SRPX2: variants seen among roughly 807,000 people sequenced by gnomAD.
The protein encoded by SRPX2 is sushi repeat-containing protein SRPX2.
Under a neutral mutation model 45.3 loss-of-function variants are expected in SRPX2, and 26 were observed. That is an observed-to-expected ratio of 0.57 (90% CI 0.42 to 0.80). The LOEUF is 0.80. Ranked by LOEUF, SRPX2 falls within the 30% of genes least tolerant of loss-of-function variation. SRPX2 has a pLI of 0.00. For synonymous variants in SRPX2, 125 were observed against 143.7 expected, an observed-to-expected ratio of 0.87 and a Z score of 0.93; for missense variants, 355 against 399.8, an observed-to-expected ratio of 0.89 and a Z score of 0.95.
intron 3 of SRPX2, 136 bp downstream of exon 3, chrX:100,651,001 T>A: frequency 2.0e-6 from 1 of 505,829 alleles, no homozygotes; most frequent in Non-Finnish European, 3.4e-6. Flanking sequence ...CTGTGATTTC[T>A]CATCATGAAC....
rs139514583 is a variant in SRPX2, at chrX:100,665,334, G to A, written c.624G>A (p.Pro208=). 66 of 1,208,500 alleles carry A rather than the reference G, an allele frequency of 5.5e-5. No individual in the cohort carries two copies. The highest frequency in any genetic ancestry group is 4.0e-4 in the African/African-American group (23 of 57,253). The change falls in exon 6 of 11, where the codon CCG becomes CCA. Residue 208 remains proline (P), a synonymous_variant. Coordinates refer to ENST00000373004, the MANE Select transcript of SRPX2 (RefSeq NM_014467.3). ...KLTARVYWDP[P]LVKDSADGTI... is the part of the protein sequence containing the mutation. ...CTGCTCGAGTATACTGGGACCCACC[G>A]TTGGTGAAAGATTCTGCTGATGGTA... is the stretch of plus-strand genomic sequence containing the variant.
Position 100,667,410 on chromosome X carries a change from A to G in SRPX2, c.1095+3A>G. 1 of 1,211,781 alleles carries G rather than the reference A, an allele frequency of 8.3e-7. No homozygotes were observed. Among genetic ancestry groups the G allele is most frequent in the Non-Finnish European group, 1.1e-6 (1 of 895,437 alleles). On this transcript the variant is annotated splice_donor_region_variant and intron_variant, in intron 9 of 10. Coordinates refer to ENST00000373004, the MANE Select transcript of SRPX2 (RefSeq NM_014467.3). ...AAATGCAGATCTCTATGCTACAGGT[A>G]AGGCCCACTCCCCTAAAGAGGGCTT... is the stretch of plus-strand genomic sequence containing the variant.
Position 100,648,352 on chromosome X carries a change from G to A in SRPX2, c.82+1948G>A, listed in dbSNP as rs535020141. Among the ~76,000 whole-genome samples the A allele has an allele frequency of 4.7e-4, 52 of 111,582 alleles. No individual in the cohort carries two copies. In the South Asian group the frequency reaches 0.018, roughly 39 times the overall value. Reference sequence around the variant, plus strand: ...TTTTGTGAAGGGCAGTGCTTAGAGGGCCTGACTGTACTATGGAGGTTGGAG... The same window carrying A: ...TTTTGTGAAGGGCAGTGCTTAGAGGACCTGACTGTACTATGGAGGTTGGAG... On this transcript the variant is annotated intron_variant, in intron 2 of 10. Coordinates refer to ENST00000373004, the MANE Select transcript of SRPX2 (RefSeq NM_014467.3).
In SRPX2 at chrX:100,652,772, G is replaced by T. The variant is rs571722652; in HGVS notation, c.163+1907G>T. ...TCAACTGAGAAATTCTCAGAGCTTT[G>T]AGCTCCTCTGAGCATCTTTGTAGCT... is the stretch of plus-strand genomic sequence containing the variant. On this transcript the variant is annotated intron_variant, in intron 3 of 10. Transcript: ENST00000373004. 5.4e-5 allele frequency among the ~76,000 whole-genome samples: 6 copies of T among 111,201 alleles called. No individual in the cohort carries two copies. In the South Asian group the frequency reaches 2.4e-3, roughly 44 times the overall value.
rs747973286 is a variant in SRPX2 at position 100,664,966 on chromosome X, T to A, written c.532+16T>A. Reference sequence around the variant, plus strand: ...GTATGTGTAGGTAAATGCTGGTTGCTCCCAGTTGTCCTGGTGCAAAGAGCC... The same window carrying A: ...GTATGTGTAGGTAAATGCTGGTTGCACCCAGTTGTCCTGGTGCAAAGAGCC... On this transcript the variant is annotated intron_variant, in intron 5 of 10. Transcript: ENST00000373004. The A allele has an allele frequency of 8.3e-7, 1 of 1,205,605 alleles. No individual in the cohort carries two copies. Among genetic ancestry groups the A allele is most frequent in the African/African-American group, 1.7e-5 (1 of 57,267 alleles).
At chrX:100,659,371 T>C (rs2083179759) in intron 3 of SRPX2, among the ~76,000 whole-genome samples, 1 of 111,954 alleles carries the variant, frequency 8.9e-6, no homozygotes, top group South Asian at 3.8e-4. Flanking sequence ...GGGCCTCTCC[T>C]ACTGTCTCAG....
At chrX:100,659,395 C>T (rs968297473) in intron 3 of SRPX2, among the ~76,000 whole-genome samples, 3 of 111,751 alleles carry the variant, frequency 2.7e-5, no homozygotes, top group Non-Finnish European at 5.6e-5. Flanking sequence ...TTAGACCGAC[C>T]TTTATATTTC....
intron 3 of SRPX2, among the ~76,000 whole-genome samples, chrX:100,655,506 G>A (rs896819591): frequency 1.8e-5 from 2 of 111,315 alleles, no homozygotes; most frequent in Non-Finnish European, 3.8e-5. Context: ...ATTCAACAAG[G>A]TCAGTGTTTA....
chrX:100,646,038 T>C (rs1173844175), intron 1 of SRPX2, 155 bp from the exon 2 acceptor site: 1 of 335,989 alleles, frequency 3.0e-6, no homozygotes, highest in Non-Finnish European at 5.3e-6. Flanking sequence ...CAGAGTCAGA[T>C]GAAGATTGGT....
chrX:100,669,219 T>C (rs1187655675), intron 9 of SRPX2, 29 bp from the exon 10 acceptor site: 6 of 1,207,432 alleles, frequency 5.0e-6, no homozygotes, highest in Non-Finnish European at 6.7e-6. Flanking sequence ...CACAGCTCTG[T>C]TGCATAAAAT....
intron 10 of SRPX2, among the ~76,000 whole-genome samples, chrX:100,670,477 A>C (rs1004466440): frequency 5.4e-5 from 6 of 111,726 alleles, no homozygotes. Flanking sequence ...TGGCCCCTGG[A>C]GTCACCCTGT....
In SRPX2 at chrX:100,665,247, A is replaced by T. The variant is rs993778885; in HGVS notation, c.537A>T (p.Ile179=). 8.3e-7 allele frequency: 1 copy of T among 1,208,272 alleles called. No homozygotes were observed. The highest frequency in any genetic ancestry group is 3.0e-5 in the East Asian group (1 of 33,728). The change falls in exon 6 of 11, where the codon ATA becomes ATT. Residue 179 remains isoleucine (I), a synonymous_variant. Transcript: ENST00000373004. ...WSGGEPVCVD[I]DPPKIRCPHS... Reference sequence around the variant, plus strand: ...CTTGATTTTTCATCTTGGCAGACATAGATCCCCCCAAGATCCGCTGTCCCC... The same window carrying T: ...CTTGATTTTTCATCTTGGCAGACATTGATCCCCCCAAGATCCGCTGTCCCC...
At chrX:100,661,790 C>T (rs1482262795) in intron 3 of SRPX2, among the ~76,000 whole-genome samples, 2 of 111,621 alleles carry the variant, frequency 1.8e-5, no homozygotes, top group Non-Finnish European at 3.8e-5. Context: ...TTTAATTTTT[C>T]TTTTATTAAT....
At chrX:100,657,349 C>T (rs367974569) in intron 3 of SRPX2, among the ~76,000 whole-genome samples, 34 of 28,401 alleles carry the variant, frequency 1.2e-3, no homozygotes, top group Admixed American at 1.7e-3. Flanking sequence ...TTATTTATGT[C>T]TTTTTTTTTT....
intron 3 of SRPX2, among the ~76,000 whole-genome samples, chrX:100,656,138 G>A (rs1003163770): frequency 1.8e-5 from 2 of 110,689 alleles, no homozygotes; most frequent in Non-Finnish European, 3.8e-5. Context: ...TGGGATTACA[G>A]GGGTGAGCCA....
At chrX:100,669,402 AGG>A in intron 10 of SRPX2, 33 bp downstream of exon 10, 1 of 27,576 alleles carries the variant, frequency 3.6e-5, no homozygotes, top group South Asian at 6.7e-4. Flanking sequence ...ACTTGGGGGG[AGG>A]GGGGGCTGGG....
chrX:100,671,100 G>A lies in SRPX2; in HGVS notation c.*113G>A. 1.1e-6 allele frequency: 1 copy of A among 884,120 alleles called. No homozygotes were observed. The highest frequency in any genetic ancestry group is 1.6e-6 in the Non-Finnish European group (1 of 625,276). The allele number at this position is 884,120 out of a possible 1,213,427, so 72.9% of individuals were successfully genotyped here. On this transcript the variant is annotated 3_prime_UTR_variant, in exon 11 of 11. Coordinates refer to ENST00000373004, the MANE Select transcript of SRPX2 (RefSeq NM_014467.3). ...CACAGTTCTAGGGACAGGACTCTGAGGTGGGTGAGTTTGACAAATCCTGCG... is the reference window on the plus strand; with the variant it reads ...CACAGTTCTAGGGACAGGACTCTGAAGTGGGTGAGTTTGACAAATCCTGCG...
At chrX:100,665,472 G>A in intron 6 of SRPX2, 64 bp from the exon 7 acceptor site, 1 of 1,209,052 alleles carries the variant, frequency 8.3e-7, no homozygotes, top group East Asian at 3.0e-5. Flanking sequence ...CAGTGGGGAT[G>A]TGCCTCAGAC....
intron 2 of SRPX2, among the ~76,000 whole-genome samples, chrX:100,649,935 C>G (rs1240242483): frequency 8.9e-6 from 1 of 112,016 alleles, no homozygotes; most frequent in African/African-American, 3.2e-5. Flanking sequence ...CCGGAAAGGA[C>G]CAAGTTGTTT....
Sources: gnomAD v4.1 joint callset for allele counts (sites outside exome capture counted in the v4.1 genomes callset) on GRCh38, gnomAD v4.1.1 for gene constraint, MANE v1.5 for transcripts, NCBI Gene and HGNC (gene_info 2026-07-23, HGNC 2026-07-21) for gene names.